Variants in LTN1 observed in about 807,000 individuals in gnomAD.
The protein encoded by LTN1 is listerin E3 ubiquitin protein ligase 1.
A neutral mutation model predicts 201.2 loss-of-function variants in LTN1; 88 were observed. The observed-to-expected ratio is 0.44, with a 90% CI of 0.37 to 0.52. The LOEUF (loss-of-function observed/expected upper bound fraction) is 0.52. Among genes scored for constraint, LTN1 ranks in the 20% least tolerant of loss-of-function variants. The pLI is 0.00. For missense variants in LTN1, 1,752 were observed against 2,038.7 expected, an observed-to-expected ratio of 0.86 and a Z score of 2.71; for synonymous variants, 645 against 713.5, an observed-to-expected ratio of 0.90 and a Z score of 1.53.
At chr21:28,970,496 G>T in intron 8 of LTN1, 56 bp downstream of exon 8, 1 of 1,140,088 alleles carries the variant, frequency 8.8e-7, no homozygotes, top group Non-Finnish European at 1.3e-6. Flanking sequence ...AAGAAAATGA[G>T]TATAAAAACA....
At chr21:28,981,036 T>C (rs987022598) in intron 6 of LTN1, 83 bp downstream of exon 6, 8 of 832,290 alleles carry the variant, frequency 9.6e-6, no homozygotes, top group Non-Finnish European at 7.1e-6. Flanking sequence ...GTTCTAAGTA[T>C]AAACAATAAA....
chr21:28,969,124 G>T (rs927855046), intron 9 of LTN1, among the ~76,000 whole-genome samples: 1 of 151,874 alleles, frequency 6.6e-6, no homozygotes, highest in African/African-American at 2.4e-5. Context: ...GGGAGGCTGA[G>T]GCAGGAGAAT....
rs2084752179 is a variant in LTN1 at position 28,992,219 on chromosome 21, GAA to G, written c.42+543_42+544del. ...GCCGGCCAGGTAGTCAAGGCACAGT[GAA>G]GAGATCAGTGTGGCTGGATGAAGTA... On this transcript the variant is annotated intron_variant, in intron 1 of 29. Coordinates refer to ENST00000361371, the MANE Select transcript of LTN1 (RefSeq NM_015565.3). Among the ~76,000 whole-genome samples the G allele has an allele frequency of 2.0e-4, 30 of 152,194 alleles. No homozygotes were observed. The South Asian group carries it at 6.2e-3, about 32-fold the overall frequency.
At chr21:28,979,374 G>A (rs554039599) in intron 6 of LTN1, among the ~76,000 whole-genome samples, 2 of 152,332 alleles carry the variant, frequency 1.3e-5, no homozygotes, top group South Asian at 4.1e-4. Flanking sequence ...TGAAGGCAAG[G>A]AGTTGGAGGC....
rs1404441796 is a variant in LTN1 at position 28,982,376 on chromosome 21, G to A, written c.577-8C>T. On this transcript the variant is annotated splice_region_variant and splice_polypyrimidine_tract_variant and intron_variant, in intron 4 of 29. Transcript: ENST00000361371. ...AAGATGATCCTGCAGCACCTACAAA[G>A]GGGGGAAATACCAAAGCCTTTGGTT... 2.5e-6 allele frequency: 4 copies of A among 1,609,032 alleles called. No individual in the cohort carries two copies. Among genetic ancestry groups the A allele is most frequent in the Non-Finnish European group, 2.6e-6 (3 of 1,175,554 alleles).
chr21:28,963,696 T>C (rs569395864), intron 11 of LTN1, among the ~76,000 whole-genome samples: 3 of 152,352 alleles, frequency 2.0e-5, no homozygotes, highest in African/African-American at 7.2e-5. Context: ...TTCATTAAGC[T>C]ATAGCAGCCA....
chr21:28,935,030 A>T, intron 27 of LTN1, 79 bp downstream of exon 27: 1 of 919,096 alleles, frequency 1.1e-6, no homozygotes, highest in South Asian at 1.4e-5. Flanking sequence ...TAAGAGCTAC[A>T]GTCTGTTATG....
chr21:28,953,369 T>C lies in LTN1; in HGVS notation c.3087A>G (p.Glu1029=), dbSNP rs1319328153. 9 of 1,570,656 alleles carry C rather than the reference T, an allele frequency of 5.7e-6. No homozygotes were observed. Among genetic ancestry groups the C allele is most frequent in the Non-Finnish European group, 7.7e-6 (9 of 1,167,438 alleles). ...ENNELEKIIA[E]LLYSLQWCEE... ...CACACCACTGCAGTGAATAAAGCAG[T>C]TCTGCAACTAAAAGAAGAGACAGCA... Residue 1029 remains glutamate, a synonymous_variant, in exon 17 of 30, where the codon GAA becomes GAG. Transcript: ENST00000361371.
At chr21:28,958,159 A>T (rs1436904311) in intron 14 of LTN1, among the ~76,000 whole-genome samples, 1 of 151,998 alleles carries the variant, frequency 6.6e-6, no homozygotes, top group Non-Finnish European at 1.5e-5. Context: ...GTCACTTTTC[A>T]TTTCTCTTTT....
intron 6 of LTN1, among the ~76,000 whole-genome samples, chr21:28,980,843 T>A (rs534731347): frequency 6.6e-6 from 1 of 152,122 alleles, no homozygotes. Context: ...AATAAATTAA[T>A]TAAATGAGAA....
At chr21:28,943,442 A>C in intron 23 of LTN1, 106 bp from the exon 24 acceptor site, 1 of 739,164 alleles carries the variant, frequency 1.4e-6, no homozygotes, top group East Asian at 2.7e-5. Context: ...TAAATGTTTT[A>C]ATGAGTTTTC....
At position 28,953,229 on chromosome 21, in the gene LTN1, A is replaced by G; in HGVS notation, c.3227T>C (p.Leu1076Pro). Residue 1076 changes from leucine to proline, a missense_variant, in exon 17 of 30, where the codon CTG becomes CCG. By Grantham distance (98) the Leu-to-Pro change is moderately conservative. Transcript: ENST00000361371. ...VLGNTSGLLQLLFNRSREHGT... is the reference protein window; with the variant it reads ...VLGNTSGLLQPLFNRSREHGT... ...AAGAGATTCTTACCTGTTAAATAAC[A>G]GCTGCAAAAGGCCCGACGTATTACC... 6.4e-7 allele frequency: 1 copy of G among 1,569,506 alleles called. No homozygotes were observed. The highest frequency in any genetic ancestry group is 8.6e-7 in the Non-Finnish European group (1 of 1,164,786).
intron 1 of LTN1, 137 bp from the exon 2 acceptor site, chr21:28,987,071 AT>A (rs1334387926): frequency 1.1e-5 from 7 of 612,718 alleles, no homozygotes; most frequent in Non-Finnish European, 1.7e-5. Context: ...AATTTCATCT[AT>A]TGCAAAGTTC....
chr21:28,992,444 C>G (rs1360866259), intron 1 of LTN1, among the ~76,000 whole-genome samples: 1 of 152,204 alleles, frequency 6.6e-6, no homozygotes, highest in African/African-American at 2.4e-5. Context: ...CAGCGCCGCC[C>G]TCCCCCAACC....
intron 25 of LTN1, 65 bp downstream of exon 25, chr21:28,941,155 T>C (rs1444763982): frequency 3.9e-6 from 4 of 1,033,866 alleles, no homozygotes; most frequent in Non-Finnish European, 5.7e-6. Context: ...GAAAGGAAGG[T>C]ATTTAGAACA....
chr21:28,958,399 A>G lies in LTN1; in HGVS notation c.2734T>C (p.Leu912=), dbSNP rs751179909. The G allele has an allele frequency of 1.2e-6, 2 of 1,602,384 alleles. No individual in the cohort carries two copies. Among genetic ancestry groups the G allele is most frequent in the South Asian group, 2.3e-5 (2 of 88,586 alleles). The change falls in exon 14 of 30, where the codon TTG becomes CTG. Residue 912 remains leucine (L), a synonymous_variant. Transcript: ENST00000361371. ...WLKNQVQASS[L]DINSLQVLLS... is the part of the protein sequence containing the mutation. ...AAAAAAGGTTACCTGTTGATATCCA[A>G]AGATGAAGCCTGAACTTGGTTCTTC...
intron 10 of LTN1, 151 bp downstream of exon 10, chr21:28,966,219 C>T: frequency 1.5e-6 from 1 of 661,274 alleles, no homozygotes; most frequent in Non-Finnish European, 2.6e-6. Context: ...ATCTACCCAG[C>T]AGCCCTAGAT....
In LTN1 at chr21:28,987,041, T is replaced by G. The variant is rs1321775092; in HGVS notation, c.43-107A>C. Reference sequence around the variant, plus strand: ...TGGTCAGAATGAGCTTTTATTTTATTTTCTTTTTTCCTAGCCTAAAATTTC... The same window carrying G: ...TGGTCAGAATGAGCTTTTATTTTATGTTCTTTTTTCCTAGCCTAAAATTTC... On this transcript the variant is annotated intron_variant, in intron 1 of 29. Transcript: ENST00000361371. The G allele has an allele frequency of 4.3e-6, 3 of 705,654 alleles. No homozygotes were observed. The African/African-American group carries it at 5.4e-5, about 13-fold the overall frequency. The allele number at this position is 705,654 out of a possible 1,614,324, so 43.7% of individuals were successfully genotyped here.
chr21:28,967,982 T>G (rs770249558), intron 9 of LTN1: 2 of 152,170 alleles, frequency 1.3e-5, no homozygotes, highest in Non-Finnish European at 1.5e-5. Context: ...TACTATGATG[T>G]GAGAATAGAG....
Sources: gnomAD v4.1 joint callset for allele counts (sites outside exome capture counted in the v4.1 genomes callset) on GRCh38, gnomAD v4.1.1 for gene constraint, MANE v1.5 for transcripts, NCBI Gene and HGNC (gene_info 2026-07-23, HGNC 2026-07-21) for gene names.